NGEF: variants seen among roughly 807,000 people sequenced by gnomAD.
NGEF encodes ephexin-1.
A neutral mutation model predicts 80.9 loss-of-function variants in NGEF; 31 were observed. The ratio of observed to expected loss-of-function variants is 0.38; its 90% CI spans 0.29 to 0.52. The LOEUF is 0.52. NGEF is among the 20% of genes least tolerant of loss of function. The pLI, the probability that NGEF is intolerant of heterozygous loss-of-function variation, is 0.84. For synonymous variants in NGEF, 371 were observed against 370.2 expected (o/e 1.00, Z -0.03); for missense variants, 709 against 926.2 (o/e 0.77, Z 3.04).
intron 14 of NGEF, among the ~76,000 whole-genome samples, chr2:232,880,365 C>T (rs1378862514): frequency 1.3e-5 from 2 of 152,236 alleles, no homozygotes; most frequent in Non-Finnish European, 2.9e-5. Flanking sequence ...CTGGGGCATG[C>T]CCTCTGCAGG....
chr2:232,936,012 C>G (rs960461533), intron 3 of NGEF, among the ~76,000 whole-genome samples: 1 of 152,150 alleles, frequency 6.6e-6, no homozygotes. Context: ...AACCAGCAGT[C>G]GAACCACAGA....
intron 8 of NGEF, chr2:232,890,948 G>A: frequency 2.1e-6 from 1 of 472,464 alleles, no homozygotes; most frequent in South Asian, 1.5e-5. Flanking sequence ...CAGTCTTGGG[G>A]CCTTTGCACA....
chr2:232,920,493 C>T lies in NGEF; in HGVS notation c.619G>A (p.Gly207Arg), dbSNP rs760042186. 8.7e-6 allele frequency: 14 copies of T among 1,609,418 alleles called. No individual in the cohort carries two copies. Among genetic ancestry groups the T allele is most frequent in the Non-Finnish European group, 1.2e-5 (14 of 1,177,388 alleles). ...QDAEIEDNTN[G>R]SPASEDTPEE... ...GGGGTGTCCTCACTGGCCGGGGACC[C>T]ATTGGTATTGTCTTCTATTTCTGCA... Residue 207 changes from glycine to arginine, a missense_variant, in exon 5 of 15, where the codon GGG becomes AGG. Around this residue, in one of 2 missense-constraint regions of NGEF, gnomAD observed 283 missense variants for 303.4 expected, o/e 0.93. Transcript: ENST00000264051.
At chr2:232,943,173 T>C (rs1467033634) in intron 3 of NGEF, among the ~76,000 whole-genome samples, 1 of 152,046 alleles carries the variant, frequency 6.6e-6, no homozygotes, top group African/African-American at 2.4e-5. Context: ...CTTCCTTTTT[T>C]TGTGGGGGTC....
chr2:232,927,473 G>A (rs927320052), intron 3 of NGEF, among the ~76,000 whole-genome samples: 1 of 152,134 alleles, frequency 6.6e-6, no homozygotes, highest in Non-Finnish European at 1.5e-5. Flanking sequence ...TTGGCGCACC[G>A]TGCCCACTCT....
At chr2:232,930,632 C>A (rs184657898) in intron 3 of NGEF, among the ~76,000 whole-genome samples, 1 of 152,108 alleles carries the variant, frequency 6.6e-6, no homozygotes, top group Admixed American at 6.6e-5. Context: ...TGAGCCACCA[C>A]GCCTGGCCTC....
Position 232,943,866 on chromosome 2 carries a change from T to C in NGEF, c.384-16680A>G, listed in dbSNP as rs183841066. Among the ~76,000 whole-genome samples the C allele has an allele frequency of 1.5e-3, 222 of 152,056 alleles. 1 individual carries two copies. The highest frequency in any genetic ancestry group is 5.3e-3 in the African/African-American group (219 of 41,478). On this transcript the variant is annotated intron_variant, in intron 3 of 14. Transcript: ENST00000264051. ...ACTAAAACTCAGAGGAAACAGACAC[T>C]GAAATACATTCCTGATTGGAGAACA...
intron 5 of NGEF, among the ~76,000 whole-genome samples, chr2:232,915,531 C>T (rs186096692): frequency 1.1e-4 from 17 of 152,246 alleles, no homozygotes; most frequent in African/African-American, 4.1e-4. Context: ...GCTGTCAGAG[C>T]GGGCAGGGCA....
chr2:232,949,175 G>A (rs552183263), intron 3 of NGEF, among the ~76,000 whole-genome samples: 20 of 152,338 alleles, frequency 1.3e-4, no homozygotes, highest in Non-Finnish European at 2.6e-4. Flanking sequence ...TGCGGAGCCA[G>A]GACCTGCCTG....
At chr2:232,893,579 G>C (rs1691953534) in intron 6 of NGEF, among the ~76,000 whole-genome samples, 1 of 152,116 alleles carries the variant, frequency 6.6e-6, no homozygotes, top group Non-Finnish European at 1.5e-5. Flanking sequence ...TTCGAGACCA[G>C]CCTGGCCAAC....
intron 5 of NGEF, among the ~76,000 whole-genome samples, chr2:232,900,247 G>C (rs1320438066): frequency 2.1e-5 from 2 of 95,640 alleles, no homozygotes; most frequent in African/African-American, 4.7e-5. Context: ...CACGCTCTCA[G>C]TCACTCATAT....
intron 1 of NGEF, among the ~76,000 whole-genome samples, chr2:232,979,275 G>A (rs954753224): frequency 5.3e-5 from 8 of 151,684 alleles, no homozygotes; most frequent in Non-Finnish European, 7.4e-5. Context: ...TAAGAGTCAG[G>A]GGGATTGTCC....
chr2:232,970,508 A>G (rs1490136107), intron 2 of NGEF, among the ~76,000 whole-genome samples, 180 bp from the exon 3 acceptor site: 6 of 152,182 alleles, frequency 3.9e-5, no homozygotes, highest in African/African-American at 1.2e-4. Flanking sequence ...GCTGTGTCAG[A>G]TGGCCTGGGA....
chr2:232,937,001 C>T (rs993639612), intron 3 of NGEF, among the ~76,000 whole-genome samples: 1 of 152,092 alleles, frequency 6.6e-6, no homozygotes, highest in Admixed American at 6.6e-5. Flanking sequence ...TGGAGTTTCA[C>T]TCTCATAGCC....
At chr2:232,950,349 CA>C (rs1693652382) in intron 3 of NGEF, among the ~76,000 whole-genome samples, 3 of 152,198 alleles carry the variant, frequency 2.0e-5, no homozygotes, top group Admixed American at 6.5e-5. Flanking sequence ...TATGTTTTAA[CA>C]AGGGCCGCTT....
intron 8 of NGEF, 50 bp from the exon 9 acceptor site, chr2:232,888,157 TC>T: frequency 7.1e-7 from 1 of 1,410,968 alleles, no homozygotes; most frequent in Non-Finnish European, 9.7e-7. Context: ...TGGTCTTTCC[TC>T]CCATTTCCCA....
At chr2:232,919,331 G>C (rs1692883590) in intron 5 of NGEF, among the ~76,000 whole-genome samples, 3 of 152,190 alleles carry the variant, frequency 2.0e-5, no homozygotes, top group Admixed American at 2.0e-4. Context: ...ACAAGGATGG[G>C]CTTGGACAAG....
rs148510986 is a variant in NGEF at position 232,920,598 on chromosome 2, A to C, written c.527-13T>G. ...TGATACAGGAGCCCTGAAATCAAAG[A>C]GTTGTAAAAAAGAAAAGGAAAAGAT... On this transcript the variant is annotated splice_polypyrimidine_tract_variant and intron_variant, in intron 4 of 14. Transcript: ENST00000264051. The C allele has an allele frequency of 6.6e-7, 1 of 1,509,222 alleles. No individual in the cohort carries two copies. The highest frequency in any genetic ancestry group is 2.3e-5 in the East Asian group (1 of 43,642). 93.5% of individuals were successfully genotyped at this position (1,509,222 alleles called of 1,614,324 possible).
intron 3 of NGEF, among the ~76,000 whole-genome samples, chr2:232,934,529 A>G (rs2106291539): frequency 6.6e-6 from 1 of 152,322 alleles, no homozygotes; most frequent in Non-Finnish European, 1.5e-5. Flanking sequence ...GTTCTAAGGC[A>G]TGTAACCTTC....
Sources: allele counts gnomAD v4.1 joint callset (sites outside exome capture counted in the v4.1 genomes callset), GRCh38; gene constraint gnomAD v4.1.1; regional missense constraint gnomAD v4.1.1; transcripts MANE v1.5; gene names NCBI Gene and HGNC (gene_info 2026-07-23, HGNC 2026-07-21).